UMAD1: variants seen among roughly 807,000 people sequenced by gnomAD.
UMAD1 encodes UBAP1-MVB12-associated (UMA)-domain containing protein 1.
In UMAD1, 8 loss-of-function variants were observed where a neutral mutation model predicts 6.1. The ratio of observed to expected loss-of-function variants is 1.30; its 90% CI spans 0.76 to 2.35. The LOEUF (loss-of-function observed/expected upper bound fraction) is 2.35. UMAD1 is among the 30% of genes most tolerant of loss of function. The pLI is 0.00. For missense variants in UMAD1, 130 were observed against 78.4 expected (o/e 1.66, Z -2.49); for synonymous variants, 56 against 31.4 (o/e 1.78, Z -2.61).
chr7:7,730,045 T>C (rs555445445), intron 2 of UMAD1, among the ~76,000 whole-genome samples: 1 of 152,308 alleles, frequency 6.6e-6, no homozygotes, highest in South Asian at 2.1e-4. Flanking sequence ...CAACTCTGGA[T>C]AAACTCGACT....
At chr7:7,662,412 G>C (rs1785497177) in intron 1 of UMAD1, among the ~76,000 whole-genome samples, 1 of 152,156 alleles carries the variant, frequency 6.6e-6, no homozygotes, top group African/African-American at 2.4e-5. Context: ...TGGCCGCCCA[G>C]TTTTGTGCTT....
At position 7,698,085 on chromosome 7, in the gene UMAD1, C is replaced by T. The variant is rs558190768; in HGVS notation, c.82+24632C>T. On this transcript the variant is annotated intron_variant, in intron 2 of 3. Coordinates refer to ENST00000682710, the MANE Select transcript of UMAD1 (RefSeq NM_001302348.2). ...ACGTTCTGGCTAGACAATATGTTAT[C>T]TGAATCAAATACTTACTAAATGCCC... 2.6e-5 allele frequency among the ~76,000 whole-genome samples: 4 copies of T among 152,258 alleles called. No individual in the cohort carries two copies. In the East Asian group the frequency reaches 7.7e-4, roughly 29 times the overall value.
intron 2 of UMAD1, among the ~76,000 whole-genome samples, chr7:7,764,624 G>A (rs1326263289): frequency 2.6e-5 from 4 of 152,220 alleles, no homozygotes; most frequent in Admixed American, 2.6e-4. Flanking sequence ...ACTGTATGAG[G>A]AACTCCATTA....
At chr7:7,726,190 T>C (rs1328551454) in intron 2 of UMAD1, among the ~76,000 whole-genome samples, 4 of 152,308 alleles carry the variant, frequency 2.6e-5, no homozygotes, top group African/African-American at 9.6e-5. Context: ...TGTGAAGATA[T>C]TTGTATCCCA....
chr7:7,742,050 C>A (rs1256086088), intron 2 of UMAD1: 2 of 540,492 alleles, frequency 3.7e-6, no homozygotes, highest in Non-Finnish European at 7.2e-6. Flanking sequence ...TTGTACAGCA[C>A]AGGGCTTGGT....
chr7:7,721,457 AG>A (rs1453806494), intron 2 of UMAD1, among the ~76,000 whole-genome samples: 2 of 152,336 alleles, frequency 1.3e-5, no homozygotes, highest in Non-Finnish European at 1.5e-5. Context: ...TGTGAGCCGT[AG>A]GGGATACTGC....
chr7:7,833,868 C>T (rs1243166485), intron 3 of UMAD1, among the ~76,000 whole-genome samples: 3 of 152,044 alleles, frequency 2.0e-5, no homozygotes, highest in Non-Finnish European at 4.4e-5. Context: ...ACAGTATTCT[C>T]CTATCTAATC....
At chr7:7,841,636 C>T (rs957571912) in intron 3 of UMAD1, among the ~76,000 whole-genome samples, 4 of 152,042 alleles carry the variant, frequency 2.6e-5, no homozygotes, top group African/African-American at 9.7e-5. Flanking sequence ...CAATTGCATA[C>T]GAAAATATAT....
intron 2 of UMAD1, among the ~76,000 whole-genome samples, chr7:7,674,222 T>C (rs1010115291): frequency 3.3e-5 from 5 of 152,196 alleles, no homozygotes; most frequent in Non-Finnish European, 7.3e-5. Flanking sequence ...TTAACTCATA[T>C]GGTCTTCACT....
At chr7:7,699,333 G>A (rs1780401190) in intron 2 of UMAD1, among the ~76,000 whole-genome samples, 1 of 151,984 alleles carries the variant, frequency 6.6e-6, no homozygotes, top group Admixed American at 6.6e-5. Context: ...ATATATTTAT[G>A]CTTTAATCAC....
At chr7:7,768,765 G>A (rs1782043214) in intron 2 of UMAD1, among the ~76,000 whole-genome samples, 1 of 152,148 alleles carries the variant, frequency 6.6e-6, no homozygotes, top group Admixed American at 6.5e-5. Flanking sequence ...ATAAATAAAT[G>A]AATGCATAGT....
At chr7:7,865,940 AGAT>A (rs902979766) in intron 3 of UMAD1, among the ~76,000 whole-genome samples, 1 of 152,168 alleles carries the variant, frequency 6.6e-6, no homozygotes, top group African/African-American at 2.4e-5. Context: ...TTCCTTTAGG[AGAT>A]GTATTTGTAA....
chr7:7,750,602 G>T (rs1781660177), intron 2 of UMAD1, among the ~76,000 whole-genome samples: 1 of 152,166 alleles, frequency 6.6e-6, no homozygotes, highest in South Asian at 2.1e-4. Context: ...CAACACTACT[G>T]TGTGTAAGGC....
chr7:7,692,441 C>G (rs962343484), intron 2 of UMAD1: 2 of 152,174 alleles, frequency 1.3e-5, no homozygotes, highest in Non-Finnish European at 2.9e-5. Flanking sequence ...GGATTGAATG[C>G]TATGGGCACC....
chr7:7,763,190 T>A (rs1563186948), intron 2 of UMAD1, among the ~76,000 whole-genome samples: 1 of 152,234 alleles, frequency 6.6e-6, no homozygotes, highest in Non-Finnish European at 1.5e-5. Context: ...AATTGATATT[T>A]AATTGAAGTG....
intron 2 of UMAD1, among the ~76,000 whole-genome samples, chr7:7,708,310 ATGTTGAATAAG>A (rs1432127370): frequency 2.0e-5 from 3 of 152,166 alleles, no homozygotes; most frequent in Non-Finnish European, 2.9e-5. Context: ...TTACTAGTTA[ATGTTGAATAAG>A]CTACTTGTAG....
intron 3 of UMAD1, among the ~76,000 whole-genome samples, chr7:7,818,198 A>C (rs1783170173): frequency 6.6e-6 from 1 of 152,088 alleles, no homozygotes; most frequent in Non-Finnish European, 1.5e-5. Flanking sequence ...TGTTCTCATC[A>C]TTTTAACACC....
intron 3 of UMAD1, among the ~76,000 whole-genome samples, chr7:7,832,087 G>T (rs1783478450): frequency 6.6e-6 from 1 of 152,170 alleles, no homozygotes; most frequent in Admixed American, 6.5e-5. Context: ...TGTGTAATAA[G>T]CAATTTGTGC....
intron 3 of UMAD1, among the ~76,000 whole-genome samples, chr7:7,824,172 T>G (rs892976363): frequency 1.3e-5 from 2 of 152,160 alleles, no homozygotes; most frequent in Non-Finnish European, 2.9e-5. Flanking sequence ...TCATCCTTTG[T>G]CATCTGGATT....
Sources: allele counts gnomAD v4.1 joint callset (sites outside exome capture counted in the v4.1 genomes callset), GRCh38; gene constraint gnomAD v4.1.1; transcripts MANE v1.5; gene names NCBI Gene and HGNC (gene_info 2026-07-23, HGNC 2026-07-21).